RANBP2: variants seen among roughly 807,000 people sequenced by gnomAD.
RANBP2 encodes E3 SUMO-protein ligase RanBP2.
Under a neutral mutation model 303.6 loss-of-function variants are expected in RANBP2, and 57 were observed. The ratio of observed to expected loss-of-function variants is 0.19; its 90% CI spans 0.15 to 0.23. The LOEUF is 0.23. RANBP2 is among the 10% of genes least tolerant of loss of function. RANBP2 has a pLI of 1.00. For missense variants in RANBP2, 3,138 were observed against 3,780.8 expected (o/e 0.83, Z 4.46); for synonymous variants, 1,167 against 1,301.5 (o/e 0.90, Z 2.23).
chr2:109,379,278 A>G, the RANBP2 span, among the ~76,000 whole-genome samples: 1 of 152,240 alleles, frequency 6.6e-6, no homozygotes, highest in African/African-American at 2.4e-5. Flanking sequence ...CCCAGGGCTC[A>G]ATCTCTCCAG....
chr2:109,509,640 C>T, the RANBP2 span, among the ~76,000 whole-genome samples: 1 of 152,010 alleles, frequency 6.6e-6, no homozygotes, highest in Admixed American at 6.6e-5. Context: ...GTGTATCCAT[C>T]ACCCGAATAA....
At chr2:109,673,156 C>A in the RANBP2 span, among the ~76,000 whole-genome samples, 17 of 152,252 alleles carry the variant, frequency 1.1e-4, no homozygotes, top group African/African-American at 3.9e-4. Flanking sequence ...ATAGAGTCAG[C>A]AGAATTACGG....
the RANBP2 span, among the ~76,000 whole-genome samples, chr2:109,406,039 G>A: frequency 3.3e-5 from 5 of 152,212 alleles, no homozygotes; most frequent in African/African-American, 7.2e-5. Context: ...ACACAGCTGC[G>A]GGGCTCTGGC....
the RANBP2 span, among the ~76,000 whole-genome samples, chr2:109,571,296 T>C: frequency 1.3e-5 from 2 of 152,176 alleles, no homozygotes; most frequent in Admixed American, 6.5e-5. Context: ...CTAATAAACA[T>C]GGTGATAGAA....
chr2:109,464,642 T>C, the RANBP2 span, among the ~76,000 whole-genome samples: 1 of 152,192 alleles, frequency 6.6e-6, no homozygotes, highest in Non-Finnish European at 1.5e-5. Context: ...TTCCAAGACT[T>C]TTTTTAAAGA....
the RANBP2 span, among the ~76,000 whole-genome samples, chr2:109,008,915 AG>A: frequency 1.3e-5 from 2 of 151,574 alleles, no homozygotes; most frequent in East Asian, 3.9e-4. Flanking sequence ...AAAAAAGAAA[AG>A]AAAAGAAAAG....
the RANBP2 span, among the ~76,000 whole-genome samples, chr2:109,059,503 G>A: frequency 0.021 from 3,214 of 151,990 alleles, 108 homozygotes; most frequent in African/African-American, 0.073. Context: ...TGAATCCCGG[G>A]AGGCAGAGCT....
the RANBP2 span, among the ~76,000 whole-genome samples, chr2:109,436,297 G>T: frequency 6.6e-6 from 1 of 152,202 alleles, no homozygotes; most frequent in Admixed American, 6.5e-5. Flanking sequence ...GAGGGAAAGC[G>T]TGAAAAGCCC....
chr2:108,856,484 G>A, the RANBP2 span, among the ~76,000 whole-genome samples: 1 of 152,056 alleles, frequency 6.6e-6, no homozygotes, highest in Non-Finnish European at 1.5e-5. Context: ...ATCAAATATG[G>A]AAAAATAAAC....
the RANBP2 span, among the ~76,000 whole-genome samples, chr2:109,082,911 C>T: frequency 5.3e-5 from 8 of 151,300 alleles, no homozygotes; most frequent in East Asian, 2.0e-4. Context: ...CTGCAAGCTC[C>T]GCCTCCTGGG....
chr2:109,527,475 G>T, the RANBP2 span, among the ~76,000 whole-genome samples: 83 of 152,176 alleles, frequency 5.5e-4, no homozygotes, highest in Non-Finnish European at 1.0e-3. Context: ...CAGAGACTGG[G>T]GAGCCACCAT....
chr2:109,252,778 T>G, the RANBP2 span, among the ~76,000 whole-genome samples: 1 of 152,238 alleles, frequency 6.6e-6, no homozygotes, highest in Admixed American at 6.5e-5. Flanking sequence ...CAAAGCCTGT[T>G]GTATAATAAA....
At chr2:109,053,024 TCTC>T in the RANBP2 span, among the ~76,000 whole-genome samples, 1 of 152,268 alleles carries the variant, frequency 6.6e-6, no homozygotes, top group African/African-American at 2.4e-5. Flanking sequence ...ACCTACCTCT[TCTC>T]CTGGTCCAAA....
At chr2:109,189,406 T>C in the RANBP2 span, among the ~76,000 whole-genome samples, 1 of 151,462 alleles carries the variant, frequency 6.6e-6, no homozygotes. Context: ...GGAGTCTCTG[T>C]CGCCCAGGCT....
At chr2:109,720,262 TAC>T in the RANBP2 span, among the ~76,000 whole-genome samples, 6 of 150,230 alleles carry the variant, frequency 4.0e-5, no homozygotes, top group South Asian at 2.1e-4. Flanking sequence ...TCAATCTTTA[TAC>T]ACACACACAT....
At chr2:109,732,877 A>C in the RANBP2 span, 1 of 1,155,448 alleles carries the variant, frequency 8.7e-7, no homozygotes, top group Non-Finnish European at 1.3e-6. Flanking sequence ...GAGATGCAGC[A>C]GGTGTGGTCT....
At chr2:109,232,192 C>G in the RANBP2 span, among the ~76,000 whole-genome samples, 1 of 152,200 alleles carries the variant, frequency 6.6e-6, no homozygotes, top group Admixed American at 6.5e-5. Context: ...TAAGGAACTT[C>G]CAGGCTATTT....
chr2:109,021,212 T>G, the RANBP2 span, among the ~76,000 whole-genome samples: 1 of 152,080 alleles, frequency 6.6e-6, no homozygotes, highest in African/African-American at 2.4e-5. Flanking sequence ...CCGATCAGCA[T>G]GGGGTCTGTG....
the RANBP2 span, among the ~76,000 whole-genome samples, chr2:109,431,130 C>G: frequency 6.6e-6 from 1 of 152,190 alleles, no homozygotes; most frequent in Non-Finnish European, 1.5e-5. Flanking sequence ...TCTGTTTTCA[C>G]TTCTAAGTGG....
Sources: gnomAD v4.1 joint callset for allele counts (sites outside exome capture counted in the v4.1 genomes callset) on GRCh38, gnomAD v4.1.1 for gene constraint, MANE v1.5 for transcripts, NCBI Gene and HGNC (gene_info 2026-07-23, HGNC 2026-07-21) for gene names.